The following NEK5 variants were observed in gnomAD, a reference collection of about 807,000 sequenced individuals.
NEK5 encodes serine/threonine-protein kinase Nek5.
A neutral mutation model predicts 109.2 loss-of-function variants in NEK5; 88 were observed. The ratio of observed to expected loss-of-function variants is 0.81; its 90% CI spans 0.68 to 0.96. The LOEUF is 0.96. Ranked by LOEUF, NEK5 falls within the 40% of genes least tolerant of loss-of-function variation. The probability of loss-of-function intolerance (pLI) is 0.00; values close to 1 mark genes in which losing one functional copy is unlikely to be tolerated. For synonymous variants in NEK5, 283 were observed against 299.9 expected (o/e 0.94, Z 0.58); for missense variants, 834 against 920.7 (o/e 0.91, Z 1.22).
chr13:52,113,171 T>C (rs1204195869), intron 4 of NEK5, among the ~76,000 whole-genome samples: 1 of 151,798 alleles, frequency 6.6e-6, no homozygotes, highest in Non-Finnish European at 1.5e-5. Context: ...GAATGAAATA[T>C]AACTGGAAAA....
At chr13:52,085,018 G>A (rs956832005) in intron 16 of NEK5, among the ~76,000 whole-genome samples, 2 of 152,076 alleles carry the variant, frequency 1.3e-5, no homozygotes, top group African/African-American at 2.4e-5. Context: ...CTGTACAGGG[G>A]TAAATAAAAG....
chr13:52,101,816 T>C, intron 11 of NEK5, 117 bp downstream of exon 11: 1 of 848,976 alleles, frequency 1.2e-6, no homozygotes, highest in Non-Finnish European at 1.9e-6. Context: ...CTGCTTATAC[T>C]GCTTGTATTT....
chr13:52,042,848 C>G (rs1157712227), intron 23 of NEK5, among the ~76,000 whole-genome samples: 1 of 151,124 alleles, frequency 6.6e-6, no homozygotes, highest in African/African-American at 2.4e-5. Context: ...TGTCAACCAA[C>G]AAAAGGCTAG....
chr13:52,094,611 G>A (rs1000104736), intron 12 of NEK5, among the ~76,000 whole-genome samples: 4 of 152,096 alleles, frequency 2.6e-5, no homozygotes, highest in Admixed American at 6.5e-5. Flanking sequence ...GTGAAACCCC[G>A]TCTCTACTAA....
intron 22 of NEK5, among the ~76,000 whole-genome samples, chr13:52,052,314 GAT>G (rs556489868): frequency 2.2e-3 from 338 of 152,320 alleles, no homozygotes; most frequent in African/African-American, 6.3e-3. Context: ...ACCTATCTCA[GAT>G]ATTTTGGGTA....
intron 14 of NEK5, among the ~76,000 whole-genome samples, chr13:52,088,012 T>C (rs934225597): frequency 7.3e-5 from 11 of 150,086 alleles, no homozygotes; most frequent in Admixed American, 6.6e-5. Context: ...ACTGTAACCT[T>C]TGCCTCCCAA....
chr13:52,078,716 C>G (rs1954913612), intron 17 of NEK5, among the ~76,000 whole-genome samples: 1 of 152,138 alleles, frequency 6.6e-6, no homozygotes, highest in African/African-American at 2.4e-5. Flanking sequence ...CATGGCTACA[C>G]AGTTAATCAG....
At chr13:52,095,713 C>A (rs538641231) in intron 12 of NEK5, among the ~76,000 whole-genome samples, 1 of 152,318 alleles carries the variant, frequency 6.6e-6, no homozygotes, top group East Asian at 1.9e-4. Flanking sequence ...CACAGTGAGA[C>A]CCTGACTCTA....
Position 52,089,235 on chromosome 13 carries a change from T to A in NEK5, c.1275+12A>T, listed in dbSNP as rs1955223763. On this transcript the variant is annotated intron_variant, in intron 14 of 23. Transcript: ENST00000684899. ...ATTCCTAATTGCTTCCCATATTTGG[T>A]ATTTTACTTACCAATTGCTTCTCCA... is the stretch of plus-strand genomic sequence containing the variant. 2.0e-6 allele frequency: 3 copies of A among 1,507,554 alleles called. No individual in the cohort carries two copies. Among genetic ancestry groups the A allele is most frequent in the Non-Finnish European group, 2.8e-6 (3 of 1,086,270 alleles). The allele number at this position is 1,507,554 out of a possible 1,614,324, so 93.4% of individuals were successfully genotyped here. A position where few individuals can be genotyped will look rare whatever the true frequency, so the allele number is the denominator to read the frequency against.
chr13:52,062,578 AC>A (rs1174482220), intron 21 of NEK5, among the ~76,000 whole-genome samples: 2 of 151,568 alleles, frequency 1.3e-5, no homozygotes, highest in Non-Finnish European at 2.9e-5. Context: ...GTGCCATCAC[AC>A]CCGGCTAATT....
At chr13:52,118,226 T>G (rs1955899898) in intron 4 of NEK5, among the ~76,000 whole-genome samples, 4 of 152,194 alleles carry the variant, frequency 2.6e-5, no homozygotes. Context: ...TTGAAGATAT[T>G]GAGGTTAACA....
At chr13:52,096,219 A>T (rs1388370242) in intron 12 of NEK5, among the ~76,000 whole-genome samples, 1 of 152,202 alleles carries the variant, frequency 6.6e-6, no homozygotes, top group Non-Finnish European at 1.5e-5. Flanking sequence ...GAATGGACTA[A>T]CACAGTACAT....
chr13:52,118,800 G>A (rs1184815842), intron 4 of NEK5, among the ~76,000 whole-genome samples: 2 of 152,112 alleles, frequency 1.3e-5, no homozygotes, highest in East Asian at 3.9e-4. Context: ...AGGATCTCAT[G>A]TAAACAGAGT....
intron 5 of NEK5, 76 bp from the exon 6 acceptor site, chr13:52,110,653 A>G: frequency 1.2e-6 from 1 of 812,716 alleles, no homozygotes. Flanking sequence ...ACATGCAAAA[A>G]GATAGAAATT....
intron 16 of NEK5, among the ~76,000 whole-genome samples, chr13:52,084,664 A>C (rs971770552): frequency 1.3e-5 from 2 of 151,224 alleles, no homozygotes; most frequent in East Asian, 3.9e-4. Context: ...TAGCCTCCCA[A>C]GTAGCTAGGA....
chr13:52,118,394 A>G (rs886774319), intron 4 of NEK5, among the ~76,000 whole-genome samples: 1 of 152,114 alleles, frequency 6.6e-6, no homozygotes, highest in African/African-American at 2.4e-5. Context: ...ATCTCTTCCC[A>G]CTAGAATATA....
At chr13:52,120,908 T>C (rs992932833) in intron 3 of NEK5, among the ~76,000 whole-genome samples, 84 of 147,434 alleles carry the variant, frequency 5.7e-4, no homozygotes, top group African/African-American at 1.9e-3. Context: ...TAAGACTCCA[T>C]TGCAAAAAAA....
chr13:52,094,052 A>T (rs146879759), intron 12 of NEK5, among the ~76,000 whole-genome samples: 24 of 152,344 alleles, frequency 1.6e-4, no homozygotes, highest in East Asian at 3.9e-4. Flanking sequence ...AGAAAATATT[A>T]AAAAAGGTCA....
intron 17 of NEK5, among the ~76,000 whole-genome samples, chr13:52,080,471 ATTGAGAAAT>A (rs1375735662): frequency 1.3e-5 from 2 of 152,184 alleles, no homozygotes; most frequent in Non-Finnish European, 2.9e-5. Context: ...CGGGGAAAAG[ATTGAGAAAT>A]CGGATGGTTG....
Sources: gnomAD v4.1 joint callset for allele counts (sites outside exome capture counted in the v4.1 genomes callset) on GRCh38, gnomAD v4.1.1 for gene constraint, MANE v1.5 for transcripts, NCBI Gene and HGNC (gene_info 2026-07-23, HGNC 2026-07-21) for gene names.